Variants in WFDC1 observed in about 807,000 individuals in gnomAD.
WFDC1 encodes WAP four-disulfide core domain 1.
A neutral mutation model predicts 32.9 loss-of-function variants in WFDC1; 39 were observed. The observed-to-expected ratio is 1.19, with a 90% CI of 0.92 to 1.55. WFDC1 has a LOEUF of 1.55. Ranked by LOEUF, WFDC1 falls within the 40% of genes most tolerant of loss-of-function variation. The pLI, the probability that WFDC1 is intolerant of heterozygous loss-of-function variation, is 0.00. For missense variants in WFDC1, 386 were observed against 309.5 expected (o/e 1.25, Z -1.85); for synonymous variants, 184 against 137.4 (o/e 1.34, Z -2.37).
intron 4 of WFDC1, among the ~76,000 whole-genome samples, chr16:84,324,076 T>C (rs1438602318): frequency 6.6e-6 from 1 of 151,876 alleles, no homozygotes; most frequent in Non-Finnish European, 1.5e-5. Flanking sequence ...GCTGAGATCA[T>C]GCCACTGCAC....
chr16:84,323,890 G>A (rs983490617), intron 4 of WFDC1, among the ~76,000 whole-genome samples: 4 of 152,238 alleles, frequency 2.6e-5, no homozygotes, highest in South Asian at 4.1e-4. Context: ...GCAGGCTGAG[G>A]TGGGTGAATC....
intron 4 of WFDC1, among the ~76,000 whole-genome samples, chr16:84,321,880 C>G (rs1280706370): frequency 7.2e-5 from 11 of 152,236 alleles, no homozygotes; most frequent in Non-Finnish European, 1.6e-4. Flanking sequence ...GTCACCCAAC[C>G]TCTCTTAGCC....
rs180828521 is a variant in WFDC1 at position 84,326,653 on chromosome 16, T to A, written c.605-229T>A. ...CAAAGCTGGAGTGTGTGGTGAGCTG[T>A]GGAGGTGGTGGGAGGTAAGACCAGA... On this transcript the variant is annotated intron_variant, in intron 5 of 6. Transcript: ENST00000219454. The A allele has an allele frequency of 7.1e-4, 376 of 526,506 alleles. 2 individuals are homozygous for A. Among genetic ancestry groups the A allele is most frequent in the African/African-American group, 6.8e-3 (354 of 52,210 alleles). 32.6% of individuals were successfully genotyped at this position (526,506 alleles called of 1,614,324 possible). A position where few individuals can be genotyped will look rare whatever the true frequency, so the allele number is the denominator to read the frequency against.
At chr16:84,304,868 C>A (rs1907157829) in intron 1 of WFDC1, among the ~76,000 whole-genome samples, 1 of 152,170 alleles carries the variant, frequency 6.6e-6, no homozygotes, top group African/African-American at 2.4e-5. Flanking sequence ...TGGGGCTGGG[C>A]CACAGGAGGG....
chr16:84,321,332 A>C (rs1426288922), intron 4 of WFDC1, among the ~76,000 whole-genome samples: 2 of 152,100 alleles, frequency 1.3e-5, no homozygotes, highest in Admixed American at 1.3e-4. Context: ...GTCTCTAGAC[A>C]CTCAATCCTG....
intron 1 of WFDC1, among the ~76,000 whole-genome samples, chr16:84,302,209 G>T (rs1438135891): frequency 5.3e-5 from 8 of 152,120 alleles, no homozygotes; most frequent in Non-Finnish European, 1.0e-4. Context: ...GCTGGGGGAG[G>T]GAGGAATAGG....
intron 2 of WFDC1, 71 bp from the exon 3 acceptor site, chr16:84,318,201 C>A (rs1172459730): frequency 1.3e-6 from 2 of 1,482,368 alleles, no homozygotes; most frequent in African/African-American, 1.4e-5. Flanking sequence ...GTTGGGGTGC[C>A]CCCAGCCCCC....
chr16:84,312,688 A>G (rs79448855), intron 1 of WFDC1, among the ~76,000 whole-genome samples: 2 of 152,112 alleles, frequency 1.3e-5, no homozygotes, highest in South Asian at 2.1e-4. Flanking sequence ...GTAGATACTT[A>G]AGTAATTGTC....
intron 1 of WFDC1, among the ~76,000 whole-genome samples, chr16:84,309,947 A>G (rs1907514220): frequency 6.6e-6 from 1 of 151,952 alleles, no homozygotes; most frequent in East Asian, 1.9e-4. Flanking sequence ...CCCACTGGAA[A>G]ATGCAGAATC....
rs778201772 is a variant in WFDC1 at position 84,315,131 on chromosome 16, T to G, written c.337+1978T>G. ...GTGTGGGAATGTGGAGCCCCTGCCC[T>G]GGCACCTGTACCCACGTGTGGGGTC... On this transcript the variant is annotated intron_variant, in intron 2 of 6. Coordinates refer to ENST00000219454, the MANE Select transcript of WFDC1 (RefSeq NM_021197.4). Among the ~76,000 whole-genome samples, 176 of 152,348 alleles carry G rather than the reference T, an allele frequency of 1.2e-3. 2 individuals carry two copies. Among genetic ancestry groups the G allele is most frequent in the Middle Eastern group, 6.8e-3 (2 of 294 alleles).
At chr16:84,318,148 C>G (rs1194271153) in intron 2 of WFDC1, 124 bp from the exon 3 acceptor site, 1 of 834,566 alleles carries the variant, frequency 1.2e-6, no homozygotes, top group Non-Finnish European at 2.0e-6. Flanking sequence ...GTGCCAGGAA[C>G]CATAGTTATT....
intron 1 of WFDC1, 184 bp downstream of exon 1, chr16:84,295,299 G>A (rs565121006): frequency 4.5e-6 from 3 of 665,714 alleles, no homozygotes; most frequent in African/African-American, 3.7e-5. Flanking sequence ...CCCCAAAAAA[G>A]GACCCTTATC....
intron 5 of WFDC1, among the ~76,000 whole-genome samples, chr16:84,324,903 T>G (rs955082058): frequency 6.6e-6 from 1 of 151,508 alleles, no homozygotes; most frequent in African/African-American, 2.4e-5. Context: ...ATCCTCTCAT[T>G]CATCCATTCA....
At chr16:84,323,101 G>C (rs1166200793) in intron 4 of WFDC1, among the ~76,000 whole-genome samples, 1 of 152,186 alleles carries the variant, frequency 6.6e-6, no homozygotes, top group Non-Finnish European at 1.5e-5. Flanking sequence ...AGCTCCCCCA[G>C]CCTACAAAAA....
chr16:84,310,324 C>G (rs984011810), intron 1 of WFDC1, among the ~76,000 whole-genome samples: 1 of 152,028 alleles, frequency 6.6e-6, no homozygotes, highest in Non-Finnish European at 1.5e-5. Context: ...CCTGAAGGAA[C>G]GGGCATTCGG....
intron 1 of WFDC1, among the ~76,000 whole-genome samples, chr16:84,310,325 G>A (rs920332840): frequency 3.9e-5 from 6 of 152,240 alleles, no homozygotes; most frequent in Middle Eastern, 6.8e-3. Flanking sequence ...CTGAAGGAAC[G>A]GGCATTCGGC....
At chr16:84,323,203 C>A (rs1167876487) in intron 4 of WFDC1, among the ~76,000 whole-genome samples, 2 of 152,168 alleles carry the variant, frequency 1.3e-5, no homozygotes, top group Non-Finnish European at 2.9e-5. Context: ...TTCCATGGAG[C>A]GTTAGCACCT....
intron 1 of WFDC1, chr16:84,295,373 T>C (rs749663640): frequency 7.9e-6 from 4 of 503,436 alleles, no homozygotes; most frequent in Non-Finnish European, 1.0e-5. Context: ...ACTTTTGCCT[T>C]GTTACAAAAG....
intron 2 of WFDC1, among the ~76,000 whole-genome samples, chr16:84,315,315 CT>C (rs1907885093): frequency 6.6e-6 from 1 of 152,208 alleles, no homozygotes; most frequent in African/African-American, 2.4e-5. Context: ...TTTAATTTTT[CT>C]CTGTAGCGTA....
Sources: allele counts gnomAD v4.1 joint callset (sites outside exome capture counted in the v4.1 genomes callset), GRCh38; gene constraint gnomAD v4.1.1; transcripts MANE v1.5; gene names NCBI Gene and HGNC (gene_info 2026-07-23, HGNC 2026-07-21).